The following KIF26A variants were observed in gnomAD, a reference collection of about 807,000 sequenced individuals.
KIF26A encodes kinesin family member 26A, also known as kinesin-like protein KIF26A.
A neutral mutation model predicts 126.0 loss-of-function variants in KIF26A; 74 were observed. The ratio of observed to expected loss-of-function variants is 0.59; its 90% CI spans 0.49 to 0.71. The LOEUF (loss-of-function observed/expected upper bound fraction) is 0.71. KIF26A is among the 30% of genes least tolerant of loss of function. KIF26A has a pLI of 0.00. For synonymous variants in KIF26A, 1,445 were observed against 1,232.7 expected, an observed-to-expected ratio of 1.17 and a Z score of -3.61; for missense variants, 2,984 against 2,763.3, an observed-to-expected ratio of 1.08 and a Z score of -1.79.
At chr14:104,154,639 GC>G (rs1039106255) in intron 3 of KIF26A, among the ~76,000 whole-genome samples, 3 of 152,232 alleles carry the variant, frequency 2.0e-5, no homozygotes, top group East Asian at 1.9e-4. Flanking sequence ...TGGTCATGGG[GC>G]CCACCCCAGT....
rs1267989975 is a variant in KIF26A, at chr14:104,167,869, G to A, written c.1113+821G>A. 2.7e-5 allele frequency among the ~76,000 whole-genome samples: 4 copies of A among 150,730 alleles called. No homozygotes were observed. The South Asian group carries it at 6.6e-4, about 25-fold the overall frequency. Reference sequence around the variant, plus strand: ...AGCACTGCCTGGTGCCTCCAGGCCCGGGAGGCTCTGTGCCCCACATGGGCC... The same window carrying A: ...AGCACTGCCTGGTGCCTCCAGGCCCAGGAGGCTCTGTGCCCCACATGGGCC... On this transcript the variant is annotated intron_variant, in intron 5 of 14. Coordinates refer to ENST00000423312, the MANE Select transcript of KIF26A (RefSeq NM_015656.2).
At chr14:104,164,730 TGTGTGTGTGCGC>T (rs1258549116) in intron 4 of KIF26A, among the ~76,000 whole-genome samples, 1,600 of 151,890 alleles carry the variant, frequency 0.011, 34 homozygotes, top group African/African-American at 0.036. Flanking sequence ...TGTGCGTGTC[TGTGTGTGTGCGC>T]GTGTCTGTGT....
At chr14:104,162,881 G>A (rs1472070603) in intron 4 of KIF26A, among the ~76,000 whole-genome samples, 1 of 152,098 alleles carries the variant, frequency 6.6e-6, no homozygotes, top group Non-Finnish European at 1.5e-5. Context: ...CAGGTAGGGT[G>A]GGGGGCTTCC....
rs1193811586 is a variant in KIF26A at position 104,152,388 on chromosome 14, T to C, written c.662T>C (p.Ile221Thr). The C allele has an allele frequency of 6.3e-7, 1 of 1,597,456 alleles. No homozygotes were observed. The stretch of plus-strand genomic sequence containing the variant: ...GGAGGGGCGCTGAGCACGGTCACCA[T>C]CCAGGCCCAGCAGTGCCTGGAGGGC... Reference protein sequence around the residue: ...GLGGALSTVTIQAQQCLEGMW... With the variant: ...GLGGALSTVTTQAQQCLEGMW... The change falls in exon 3 of 15, where the codon ATC (isoleucine) becomes ACC (threonine). Residue 221 changes from isoleucine to threonine, a missense_variant. By Grantham distance (89) the Ile-to-Thr change is moderately conservative. Transcript: ENST00000423312. The surrounding 1 kb of genome is among the most constrained non-coding windows in gnomAD (Gnocchi z 5.9).
rs2037731073 is a variant in KIF26A at position 104,151,710 on chromosome 14, G to T, written c.289-305G>T. Among the ~76,000 whole-genome samples, 1 of 152,180 alleles carries T rather than the reference G, an allele frequency of 6.6e-6. No individual in the cohort carries two copies. Among genetic ancestry groups the T allele is most frequent in the African/African-American group, 2.4e-5 (1 of 41,440 alleles). On this transcript the variant is annotated intron_variant, in intron 2 of 14. Coordinates refer to ENST00000423312, the MANE Select transcript of KIF26A (RefSeq NM_015656.2). This position sits in a 1 kb window ranked among gnomAD's most constrained non-coding sequence, Gnocchi z 4.9. ...TGTCCCCGGCCAGGCGGCCTTAGCT[G>T]ACAGTGGTCCGGTTGTCCGGGAGCC...
At chr14:104,173,542 C>T (rs1596148121) in intron 9 of KIF26A, 29 bp downstream of exon 9, 2 of 1,523,338 alleles carry the variant, frequency 1.3e-6, no homozygotes, top group African/African-American at 1.4e-5. Flanking sequence ...CTCCCGGGCC[C>T]CTGTGGGATG....
At chr14:104,147,820 C>T (rs2037693060) in intron 2 of KIF26A, among the ~76,000 whole-genome samples, 1 of 152,206 alleles carries the variant, frequency 6.6e-6, no homozygotes, top group African/African-American at 2.4e-5. Flanking sequence ...CTTTTGAGGG[C>T]TGCCCGCACA....
In KIF26A at chr14:104,177,128, G is replaced by A. The variant is rs764706938; in HGVS notation, c.4340G>A (p.Ser1447Asn). The A allele has an allele frequency of 6.3e-7, 1 of 1,597,674 alleles. No individual in the cohort carries two copies. The highest frequency in any genetic ancestry group is 2.2e-5 in the East Asian group (1 of 44,850). The change falls in exon 12 of 15, where the codon AGC becomes AAC. Residue 1447 changes from serine to asparagine, a missense_variant. Coordinates refer to ENST00000423312, the MANE Select transcript of KIF26A (RefSeq NM_015656.2). The stretch of plus-strand genomic sequence containing the variant: ...GAGCGGTACGAAGGCCTGGCGCACA[G>A]CAGCAGCAAGGGCCGGGAAGCCCCT... ...SLERYEGLAH[S>N]SSKGREAPGR...
At position 104,176,204 on chromosome 14, in the gene KIF26A, C is replaced by A. The variant is rs750863263; in HGVS notation, c.3416C>A (p.Ala1139Glu). Residue 1139 changes from alanine to glutamate, a missense_variant, in exon 12 of 15, where the codon GCA (alanine) becomes GAA (glutamate). Transcript: ENST00000423312. ...PQPRFSPDSLAGLDPGGPPAL... is the reference protein window; with the variant it reads ...PQPRFSPDSLEGLDPGGPPAL... The stretch of plus-strand genomic sequence containing the variant: ...CCCCGCTTCAGCCCCGACTCGCTGG[C>A]AGGGCTTGACCCTGGGGGCCCCCCT... 8 of 1,601,288 alleles carry A rather than the reference C, an allele frequency of 5.0e-6. No homozygotes were observed. The highest frequency in any genetic ancestry group is 5.1e-6 in the Non-Finnish European group (6 of 1,175,142).
chr14:104,173,769 G>C lies in KIF26A; in HGVS notation c.1931G>C (p.Arg644Thr), dbSNP rs1257277524. ...DLGSCEAAAG[R>T]AGEAAGGPLC... ...GGCAGCTGTGAGGCGGCGGCTGGCA[G>C]GGCCGGGGAGGCTGCTGGGGGTCCC... The change falls in exon 10 of 15, where the codon AGG (arginine) becomes ACG (threonine). Residue 644 changes from arginine (R) to threonine (T), a missense_variant. Transcript: ENST00000423312. 7.5e-6 allele frequency: 12 copies of C among 1,608,544 alleles called. No homozygotes were observed. Among genetic ancestry groups the C allele is most frequent in the Non-Finnish European group, 9.3e-6 (11 of 1,179,398 alleles).
At chr14:104,144,106 G>A (rs1373720975) in intron 2 of KIF26A, among the ~76,000 whole-genome samples, 5 of 152,342 alleles carry the variant, frequency 3.3e-5, no homozygotes, top group South Asian at 4.1e-4. Flanking sequence ...TGCTGCCTCC[G>A]GGATTCCCTG....
Position 104,152,294 on chromosome 14 carries a change from G to C in KIF26A, c.568G>C (p.Asp190His), listed in dbSNP as rs1271046292. 5.7e-6 allele frequency: 9 copies of C among 1,588,122 alleles called. No homozygotes were observed. Among genetic ancestry groups the C allele is most frequent in the Non-Finnish European group, 7.7e-6 (9 of 1,169,586 alleles). ...GAGGCAGCCAGGACGAGCTGGGCCA[G>C]ACAGGACCAAGGGGCTGGCCTGGTC... ...AGRQPGRAGP[D>H]RTKGLAWSPG... Residue 190 changes from aspartate (D) to histidine (H), a missense_variant, in exon 3 of 15, where the codon GAC becomes CAC. Asp to His is a moderately conservative substitution (Grantham distance 81). Coordinates refer to ENST00000423312, the MANE Select transcript of KIF26A (RefSeq NM_015656.2). This position sits in a 1 kb window ranked among gnomAD's most constrained non-coding sequence, Gnocchi z 5.9.
At chr14:104,156,082 G>A (rs1359558463) in intron 3 of KIF26A, among the ~76,000 whole-genome samples, 4 of 152,102 alleles carry the variant, frequency 2.6e-5, no homozygotes, top group African/African-American at 7.2e-5. Flanking sequence ...GTGCGGCCCC[G>A]GCCCCCAGGA....
At chr14:104,140,178 G>T (rs1178252008) in intron 2 of KIF26A, among the ~76,000 whole-genome samples, 1 of 152,178 alleles carries the variant, frequency 6.6e-6, no homozygotes, top group Non-Finnish European at 1.5e-5. Flanking sequence ...CCTGTCTGGG[G>T]CAGGGCAGGG....
intron 6 of KIF26A, 41 bp from the exon 7 acceptor site, chr14:104,172,530 AGAAG>A: frequency 6.8e-7 from 1 of 1,481,260 alleles, no homozygotes; most frequent in Non-Finnish European, 9.4e-7. Context: ...CAGACGTGGC[AGAAG>A]GAAGGGGCCA....
intron 3 of KIF26A, among the ~76,000 whole-genome samples, chr14:104,156,220 A>G (rs1244035075): frequency 6.6e-6 from 1 of 152,210 alleles, no homozygotes; most frequent in Non-Finnish European, 1.5e-5. Context: ...TGCTCAGCAA[A>G]GGAGTTTAGG....
In KIF26A at chr14:104,177,426, G is replaced by A. The variant is rs747733262; in HGVS notation, c.4638G>A (p.Ala1546=). Residue 1546 remains alanine, a synonymous_variant, in exon 12 of 15, where the codon GCG becomes GCA. Transcript: ENST00000423312. ...AAPRAGPSVG[A]KAGRGTVMGT... Reference sequence around the variant, plus strand: ...CACGGGCCGGGCCCAGTGTCGGGGCGAAGGCTGGCCGGGGTACCGTCATGG... The same window carrying A: ...CACGGGCCGGGCCCAGTGTCGGGGCAAAGGCTGGCCGGGGTACCGTCATGG... 83 of 1,514,744 alleles carry A rather than the reference G, an allele frequency of 5.5e-5. No individual in the cohort carries two copies. Among genetic ancestry groups the A allele is most frequent in the African/African-American group, 3.2e-4 (23 of 72,266 alleles). The allele number at this position is 1,514,744 out of a possible 1,614,324, so 93.8% of individuals were successfully genotyped here. A position where few individuals can be genotyped will look rare whatever the true frequency, so the allele number is the denominator to read the frequency against.
chr14:104,168,587 G>A (rs918702222), intron 5 of KIF26A, among the ~76,000 whole-genome samples: 6 of 152,212 alleles, frequency 3.9e-5, no homozygotes, highest in African/African-American at 1.4e-4. Flanking sequence ...AGGGGAGTGT[G>A]TGGTGAGACC....
intron 4 of KIF26A, among the ~76,000 whole-genome samples, chr14:104,158,158 G>A (rs547849503): frequency 8.5e-5 from 13 of 152,344 alleles, no homozygotes; most frequent in Admixed American, 2.6e-4. Flanking sequence ...TCTCATCCTC[G>A]GGGGAGCACT....
Sources: gnomAD v4.1 joint callset for allele counts (sites outside exome capture counted in the v4.1 genomes callset) on GRCh38, gnomAD v4.1.1 for gene constraint, Gnocchi (gnomAD v3.1) non-coding constraint, MANE v1.5 for transcripts, NCBI Gene and HGNC (gene_info 2026-07-23, HGNC 2026-07-21) for gene names.